The following FATE1 variants were observed in gnomAD, a reference collection of about 807,000 sequenced individuals.
FATE1 encodes fetal and adult testis expressed 1.
FATE1 carries 18 observed loss-of-function variants against 16.0 expected under a neutral mutation model. That is an observed-to-expected ratio of 1.12 (90% CI 0.78 to 1.66). FATE1 has a LOEUF of 1.66. Ranked by LOEUF, FATE1 falls within the 40% of genes most tolerant of loss-of-function variation. The pLI, the probability that FATE1 is intolerant of heterozygous loss-of-function variation, is 0.00. For synonymous variants in FATE1, 76 were observed against 56.9 expected (o/e 1.34, Z -1.51); for missense variants, 169 against 152.7 (o/e 1.11, Z -0.56).
rs762922963 is a variant in FATE1 at position 151,722,971 on chromosome X, C to A, written c.*212C>A. On this transcript the variant is annotated 3_prime_UTR_variant, in exon 5 of 5. Transcript: ENST00000370350. ...CTGCTGCGAAGCTGGAGGAGGACTG[C>A]GTGGGCTGAGATGCCACCCTTTGAA... 3 of 426,393 alleles carry A rather than the reference C, an allele frequency of 7.0e-6. No individual in the cohort carries two copies. The highest frequency in any genetic ancestry group is 1.2e-5 in the Non-Finnish European group (3 of 258,297). 35.1% of individuals were successfully genotyped at this position (426,393 alleles called of 1,213,427 possible).
At chrX:151,717,509 A>T in intron 2 of FATE1, 110 bp downstream of exon 2, 1 of 909,074 alleles carries the variant, frequency 1.1e-6, no homozygotes, top group Non-Finnish European at 1.5e-6. Context: ...ACTTGTGAGG[A>T]GGAGGAAGCT....
chrX:151,719,103 A>C (rs1453687487), intron 2 of FATE1, among the ~76,000 whole-genome samples: 2 of 112,241 alleles, frequency 1.8e-5, no homozygotes, highest in Non-Finnish European at 3.8e-5. Context: ...AGTTGACTAC[A>C]AGGGCTAGAG....
In FATE1 at chrX:151,722,734, A is replaced by G; in HGVS notation, c.527A>G (p.Asn176Ser). The G allele has an allele frequency of 8.3e-7, 1 of 1,211,007 alleles. No individual in the cohort carries two copies. The highest frequency in any genetic ancestry group is 1.7e-5 in the African/African-American group (1 of 57,918). ...IAVLVSASIA[N>S]LWLWMNQ The stretch of plus-strand genomic sequence containing the variant: ...GTGCTGGTGTCGGCCAGCATTGCCA[A>G]CCTGTGGCTGTGGATGAACCAGTGA... Residue 176 changes from asparagine (N) to serine (S), a missense_variant, in exon 5 of 5, where the codon AAC becomes AGC. Transcript: ENST00000370350.
Position 151,722,709 on chromosome X carries a change from G to A in FATE1, c.502G>A (p.Val168Met), listed in dbSNP as rs774947821. ...WRHRETLIIA[V>M]LVSASIANLW... ...CCACAGGGAGACCCTGATCATCGCCGTGCTGGTGTCGGCCAGCATTGCCAA... is the reference window on the plus strand; with the variant it reads ...CCACAGGGAGACCCTGATCATCGCCATGCTGGTGTCGGCCAGCATTGCCAA... Residue 168 changes from valine to methionine, a missense_variant, in exon 5 of 5, where the codon GTG becomes ATG. Coordinates refer to ENST00000370350, the MANE Select transcript of FATE1 (RefSeq NM_033085.3). 1.7e-6 allele frequency: 2 copies of A among 1,211,951 alleles called. No individual in the cohort carries two copies. The highest frequency in any genetic ancestry group is 1.8e-5 in the South Asian group (1 of 56,986).
chrX:151,717,968 C>G (rs1002492191), intron 2 of FATE1, among the ~76,000 whole-genome samples: 1 of 110,768 alleles, frequency 9.0e-6, no homozygotes, highest in Non-Finnish European at 1.9e-5. Context: ...TGCCTGTAAT[C>G]CCAGCTACTC....
intron 1 of FATE1, among the ~76,000 whole-genome samples, chrX:151,716,969 A>G (rs1034470179): frequency 1.8e-5 from 2 of 111,502 alleles, no homozygotes; most frequent in Non-Finnish European, 3.8e-5. Context: ...TACACCTGTC[A>G]TTCCCCCTTA....
chrX:151,716,261 A>T, intron 1 of FATE1, 36 bp downstream of exon 1: 2 of 1,085,495 alleles, frequency 1.8e-6, no homozygotes, highest in Non-Finnish European at 1.3e-6. Context: ...GGCTACAGCC[A>T]ACTGTGTAGA....
chrX:151,718,216 G>GAAGA (rs368403459), intron 2 of FATE1, among the ~76,000 whole-genome samples: 12,341 of 102,054 alleles, frequency 0.12, 684 homozygotes, highest in East Asian at 0.19. Flanking sequence ...AGGAAGAAAG[G>GAAGA]AAGAAAGAAA....
chrX:151,721,542 G>A (rs2015116132), intron 3 of FATE1, 41 bp downstream of exon 3: 1 of 1,114,323 alleles, frequency 9.0e-7, no homozygotes, highest in Non-Finnish European at 1.2e-6. Flanking sequence ...GCTCAGACAG[G>A]GCCCGGAGTG....
intron 3 of FATE1, among the ~76,000 whole-genome samples, 167 bp from the exon 4 acceptor site, chrX:151,721,736 C>A (rs774896730): frequency 1.8e-5 from 2 of 112,169 alleles, no homozygotes; most frequent in African/African-American, 6.5e-5. Flanking sequence ...CAGGCTGACT[C>A]CCAGCCCTCA....
Position 151,722,845 on chromosome X carries a change from C to G in FATE1, c.*86C>G. 2 of 1,075,459 alleles carry G rather than the reference C, an allele frequency of 1.9e-6. No homozygotes were observed. Among genetic ancestry groups the G allele is most frequent in the Non-Finnish European group, 2.5e-6 (2 of 802,689 alleles). The allele number at this position is 1,075,459 out of a possible 1,213,427, so 88.6% of individuals were successfully genotyped here. On this transcript the variant is annotated 3_prime_UTR_variant, in exon 5 of 5. Transcript: ENST00000370350. ...TCCCCAGGCCGCCACTGCCCTTGCC[C>G]CTTTCATCTCCCAGCAGCCCTCAGG... is the stretch of plus-strand genomic sequence containing the variant.
rs73640108 is a variant in FATE1 at position 151,721,116 on chromosome X, G to T, written c.235-279G>T. Among the ~76,000 whole-genome samples, 328 of 112,892 alleles carry T rather than the reference G, an allele frequency of 2.9e-3. 2 individuals carry two copies. The highest frequency in any genetic ancestry group is 9.8e-3 in the African/African-American group (306 of 31,100). ...TCTCAGCTAATACCTGCATGTGAAA[G>T]TTCTTGCAGAGGACAGGGACCCCTG... On this transcript the variant is annotated intron_variant, in intron 2 of 4. Transcript: ENST00000370350.
At chrX:151,719,274 A>T (rs1201715109) in intron 2 of FATE1, among the ~76,000 whole-genome samples, 1 of 112,277 alleles carries the variant, frequency 8.9e-6, no homozygotes, top group South Asian at 3.7e-4. Context: ...GGAGAACCAT[A>T]ATATGCAAGG....
chrX:151,718,147 A>T (rs2015079981), intron 2 of FATE1, among the ~76,000 whole-genome samples: 1 of 100,214 alleles, frequency 1.0e-5, no homozygotes, highest in African/African-American at 3.7e-5. Flanking sequence ...GAAGGAAGGA[A>T]GGAAGGAAGG....
At chrX:151,716,734 C>G (rs1019054634) in intron 1 of FATE1, among the ~76,000 whole-genome samples, 1 of 111,765 alleles carries the variant, frequency 8.9e-6, no homozygotes, top group South Asian at 3.8e-4. Context: ...TCCAAGCCTG[C>G]TTCTTCCCCC....
intron 1 of FATE1, among the ~76,000 whole-genome samples, chrX:151,716,469 C>T (rs188083411): frequency 6.2e-4 from 69 of 111,131 alleles, no homozygotes; most frequent in Non-Finnish European, 6.6e-4. Flanking sequence ...CCTCTGTCTC[C>T]CCCTTATCCA....
chrX:151,717,309 C>T lies in FATE1; in HGVS notation c.144C>T (p.Ser48=), dbSNP rs566490903. 21 of 1,205,816 alleles carry T rather than the reference C, an allele frequency of 1.7e-5. No individual in the cohort carries two copies. In the South Asian group the frequency reaches 3.7e-4, roughly 21 times the overall value. Reference sequence around the variant, plus strand: ...TTGGATCTCGGTCCCGGGGTGCCTCCCAGAAGAAGCAGAAGTTGGAACAAA... The same window carrying T: ...TTGGATCTCGGTCCCGGGGTGCCTCTCAGAAGAAGCAGAAGTTGGAACAAA... ...MELGSRSRGA[S]QKKQKLEQKA... is the part of the protein sequence containing the mutation. The change falls in exon 2 of 5, where the codon TCC becomes TCT. Residue 48 remains serine, a synonymous_variant. Transcript: ENST00000370350.
rs72612761 is a variant in FATE1 at position 151,721,385 on chromosome X, C to T, written c.235-10C>T. 141,134 of 1,207,769 alleles carry T rather than the reference C, an allele frequency of 0.12. 5,931 individuals are homozygous for T. The highest frequency in any genetic ancestry group is 0.2 in the East Asian group (6,863 of 33,709). On this transcript the variant is annotated splice_polypyrimidine_tract_variant and intron_variant, in intron 2 of 4. Transcript: ENST00000370350. ...GGGCAGGCTACTTTACTGACCATTC[C>T]TTTCTTCAGGGGTCCCAGCTGCCAA... is the stretch of plus-strand genomic sequence containing the variant.
Position 151,722,700 on chromosome X carries a change from AT to A in FATE1, c.494del (p.Ile165ThrfsTer17), listed in dbSNP as rs1388504617. 2.1e-5 allele frequency: 25 copies of A among 1,211,136 alleles called. No homozygotes were observed. The highest frequency in any genetic ancestry group is 2.7e-5 in the Non-Finnish European group (24 of 895,296). ...CACCTGGCGCCACAGGGAGACCCTG[AT>A]CATCGCCGTGCTGGTGTCGGCCAGC... ...GATWRHRETLIIAVLVSASIA... is the reference protein window; with the variant it reads ...GATWRHRETLXIAVLVSASIA... On this transcript the variant is annotated frameshift_variant, in exon 5 of 5. Coordinates refer to ENST00000370350, the MANE Select transcript of FATE1 (RefSeq NM_033085.3). LOFTEE classifies it high-confidence loss of function.
Sources: allele counts gnomAD v4.1 joint callset (sites outside exome capture counted in the v4.1 genomes callset), GRCh38; gene constraint gnomAD v4.1.1; transcripts MANE v1.5; gene names NCBI Gene and HGNC (gene_info 2026-07-23, HGNC 2026-07-21).